Variants in GRAP2 observed in about 807,000 individuals in gnomAD.
The protein encoded by GRAP2 is GRB2-related adapter protein 2.
Under a neutral mutation model 43.5 loss-of-function variants are expected in GRAP2, and 31 were observed. That is an observed-to-expected ratio of 0.71 (90% CI 0.54 to 0.96). The LOEUF (loss-of-function observed/expected upper bound fraction) is 0.96. Among genes scored for constraint, GRAP2 ranks in the 40% least tolerant of loss-of-function variants. The probability of loss-of-function intolerance (pLI) is 0.00; values close to 1 mark genes in which losing one functional copy is unlikely to be tolerated. For missense variants in GRAP2, 371 were observed against 424.4 expected, an observed-to-expected ratio of 0.87 and a Z score of 1.11; for synonymous variants, 156 against 164.8, an observed-to-expected ratio of 0.95 and a Z score of 0.41.
At chr22:39,963,771 A>G (rs1005155916) in intron 4 of GRAP2, 1 of 152,474 alleles carries the variant, frequency 6.6e-6, no homozygotes, top group African/African-American at 2.4e-5. Context: ...TAATCCCAGC[A>G]CTTTGGGAGG....
At chr22:39,915,841 T>C (rs1193982456) in intron 1 of GRAP2, among the ~76,000 whole-genome samples, 2 of 152,162 alleles carry the variant, frequency 1.3e-5, no homozygotes, top group African/African-American at 4.8e-5. Flanking sequence ...AGTAGCATCA[T>C]TGGAAAAGAA....
intron 5 of GRAP2, among the ~76,000 whole-genome samples, chr22:39,967,185 C>T (rs532700116): frequency 5.9e-5 from 9 of 152,212 alleles, no homozygotes; most frequent in South Asian, 4.2e-4. Flanking sequence ...CCTCCTTTTT[C>T]GAGTCCCTAG....
intron 1 of GRAP2, among the ~76,000 whole-genome samples, chr22:39,943,741 G>C (rs1039455650): frequency 2.9e-4 from 40 of 136,156 alleles, no homozygotes; most frequent in African/African-American, 1.1e-3. Context: ...TTTTTTTTAA[G>C]ATGGAGTCTC....
chr22:39,916,235 C>T (rs1019718161), intron 1 of GRAP2, among the ~76,000 whole-genome samples: 1 of 152,248 alleles, frequency 6.6e-6, no homozygotes, highest in Non-Finnish European at 1.5e-5. Flanking sequence ...AGCCCCCTCC[C>T]CCAACAGCAC....
At chr22:39,923,011 C>T (rs963405589) in intron 1 of GRAP2, among the ~76,000 whole-genome samples, 12 of 150,050 alleles carry the variant, frequency 8.0e-5, no homozygotes, top group Non-Finnish European at 1.8e-4. Flanking sequence ...CACTGTACTC[C>T]AGCCTGGGCG....
intron 4 of GRAP2, 117 bp downstream of exon 4, chr22:39,960,291 G>A: frequency 2.0e-6 from 2 of 983,098 alleles, no homozygotes; most frequent in Non-Finnish European, 3.1e-6. Flanking sequence ...TGGTGGCCTA[G>A]GGGCCAAGCA....
chr22:39,935,052 C>T (rs987164968), intron 1 of GRAP2, among the ~76,000 whole-genome samples: 3 of 152,142 alleles, frequency 2.0e-5, no homozygotes, highest in Non-Finnish European at 2.9e-5. Flanking sequence ...GAATAACTGA[C>T]AGGAGACCTG....
chr22:39,899,212 A>G (rs1454263672), upstream of GRAP2, among the ~76,000 whole-genome samples: 1 of 152,208 alleles, frequency 6.6e-6, no homozygotes, highest in Admixed American at 6.5e-5. Context: ...CTGTTCTGCA[A>G]TCTGTCCCAT....
chr22:39,899,895 A>C (rs538904955), upstream of GRAP2, among the ~76,000 whole-genome samples: 56 of 152,208 alleles, frequency 3.7e-4, no homozygotes, highest in African/African-American at 1.3e-3. Flanking sequence ...CTGAAGCAAG[A>C]GAATCACTTG....
chr22:39,970,246 G>A (rs995248453), intron 7 of GRAP2, among the ~76,000 whole-genome samples: 1 of 152,074 alleles, frequency 6.6e-6, no homozygotes, highest in Non-Finnish European at 1.5e-5. Flanking sequence ...TTCCCAAGTA[G>A]CTAGGTATAT....
intron 1 of GRAP2, among the ~76,000 whole-genome samples, chr22:39,934,615 TG>T (rs541704458): frequency 6.6e-6 from 1 of 152,362 alleles, no homozygotes; most frequent in South Asian, 2.1e-4. Context: ...CCCTGCATTT[TG>T]GTTTCAAGAA....
At chr22:39,961,861 G>A (rs1005024937) in intron 4 of GRAP2, among the ~76,000 whole-genome samples, 13 of 152,226 alleles carry the variant, frequency 8.5e-5, no homozygotes, top group African/African-American at 2.9e-4. Context: ...ATAAACTGTG[G>A]CCACTTTGCT....
chr22:39,896,927 C>T (rs962660001), upstream of GRAP2, among the ~76,000 whole-genome samples: 4 of 152,134 alleles, frequency 2.6e-5, no homozygotes, highest in Non-Finnish European at 5.9e-5. Context: ...CCTGACTTCC[C>T]GGACACCATT....
intron 1 of GRAP2, among the ~76,000 whole-genome samples, chr22:39,943,936 G>A (rs1453180101): frequency 6.6e-6 from 1 of 151,944 alleles, no homozygotes; most frequent in African/African-American, 2.4e-5. Context: ...GGCCAGGATG[G>A]TCTCCATCTC....
At chr22:39,894,409 G>A in the GRAP2 span, among the ~76,000 whole-genome samples, 1 of 110,554 alleles carries the variant, frequency 9.0e-6, no homozygotes, top group East Asian at 3.2e-4. Flanking sequence ...ACACTCTGGG[G>A]ACTGTTGTGG....
intron 1 of GRAP2, among the ~76,000 whole-genome samples, chr22:39,917,290 C>T (rs1973294373): frequency 6.6e-6 from 1 of 152,158 alleles, no homozygotes; most frequent in African/African-American, 2.4e-5. Context: ...CATCAGCAGC[C>T]CAAAGCCCCC....
intron 2 of GRAP2, among the ~76,000 whole-genome samples, chr22:39,954,435 G>C (rs1009119111): frequency 5.9e-5 from 9 of 152,030 alleles, no homozygotes; most frequent in Admixed American, 3.3e-4. Flanking sequence ...TTGCTCTGTT[G>C]CCCAGGCTGG....
At chr22:39,948,621 C>T (rs1206812465) in intron 2 of GRAP2, 2 of 152,192 alleles carry the variant, frequency 1.3e-5, no homozygotes, top group Non-Finnish European at 2.9e-5. Flanking sequence ...ATTCTCTACA[C>T]TGGGCGTGCT....
At chr22:39,928,863 A>G (rs1336230256) in intron 1 of GRAP2, among the ~76,000 whole-genome samples, 1 of 152,242 alleles carries the variant, frequency 6.6e-6, no homozygotes, top group Non-Finnish European at 1.5e-5. Context: ...CCATAATGAG[A>G]TAAAGCCAAA....
Sources: gnomAD v4.1 joint callset for allele counts (sites outside exome capture counted in the v4.1 genomes callset) on GRCh38, gnomAD v4.1.1 for gene constraint, MANE v1.5 for transcripts, NCBI Gene and HGNC (gene_info 2026-07-23, HGNC 2026-07-21) for gene names.